Variants in FIGNL2 observed in about 807,000 individuals in gnomAD.
FIGNL2 encodes fidgetin like 2.
For missense variants in FIGNL2, 1,060 were observed against 950.2 expected (o/e 1.12, Z -1.52); for synonymous variants, 565 against 484.0 (o/e 1.17, Z -2.20).
chr12:51,824,872 C>T (rs1310369926), intron 1 of FIGNL2, among the ~76,000 whole-genome samples: 2 of 152,066 alleles, frequency 1.3e-5, no homozygotes, highest in African/African-American at 2.4e-5. Flanking sequence ...GGTGAAACAC[C>T]GTCTGTACTA....
At chr12:51,838,898 C>T (rs538146232) in intron 1 of FIGNL2, among the ~76,000 whole-genome samples, 1 of 152,288 alleles carries the variant, frequency 6.6e-6, no homozygotes, top group African/African-American at 2.4e-5. Context: ...GAATGAGTTC[C>T]CTGTCCTGCC....
chr12:51,844,946 T>C lies in FIGNL2; in HGVS notation c.-12+3594A>G, dbSNP rs960588478. 38 of 882,080 alleles carry C rather than the reference T, an allele frequency of 4.3e-5. No individual in the cohort carries two copies. The African/African-American group carries it at 6.0e-4, about 14-fold the overall frequency. 54.6% of individuals were successfully genotyped at this position (882,080 alleles called of 1,614,324 possible). A position where few individuals can be genotyped will look rare whatever the true frequency, so the allele number is the denominator to read the frequency against. On this transcript the variant is annotated intron_variant, in intron 1 of 1. Coordinates refer to ENST00000618634, the MANE Select transcript of FIGNL2 (RefSeq NM_001384995.1). ...AGTGGGGAGGTCAGGAAACCCAGGC[T>C]GCAGGCATGACTCTGTCCTCAGCAC... is the stretch of plus-strand genomic sequence containing the variant.
Position 51,822,331 on chromosome 12 carries a change from G to A in FIGNL2, c.83C>T (p.Pro28Leu), listed in dbSNP as rs781152652. ...HLDVSSTTPS[P>L]AHKLELPPGG... ...AGGGGGCAACTCCAACTTGTGGGCC[G>A]GCGACGGGGTGGTGGAGGAGACGTC... The change falls in exon 2 of 2, where the codon CCG (proline) becomes CTG (leucine). Residue 28 changes from proline (P) to leucine (L), a missense_variant. Physicochemically the swap from Pro to Leu is moderately conservative, Grantham distance 98. Transcript: ENST00000618634. 3.7e-6 allele frequency: 6 copies of A among 1,613,304 alleles called. No individual in the cohort carries two copies. In the South Asian group the frequency reaches 5.5e-5, roughly 15 times the overall value.
At chr12:51,823,372 A>G (rs1236039147) in intron 1 of FIGNL2, 2 of 152,350 alleles carry the variant, frequency 1.3e-5, no homozygotes, top group East Asian at 3.9e-4. Context: ...ACTGCAAAGT[A>G]AAAAAACACC....
At chr12:51,836,177 A>AG (rs1223981762) in intron 1 of FIGNL2, among the ~76,000 whole-genome samples, 1 of 152,110 alleles carries the variant, frequency 6.6e-6, no homozygotes, top group Non-Finnish European at 1.5e-5. Context: ...CCCTAGAACC[A>AG]GGGGAGGGAG....
At chr12:51,831,342 G>T (rs1218828764) in intron 1 of FIGNL2, among the ~76,000 whole-genome samples, 1 of 152,168 alleles carries the variant, frequency 6.6e-6, no homozygotes, top group South Asian at 2.1e-4. Context: ...GTCCCAGCTC[G>T]GAGGCTCCAG....
intron 1 of FIGNL2, among the ~76,000 whole-genome samples, chr12:51,843,544 C>CAAAA (rs5798189): frequency 8.0e-6 from 1 of 125,068 alleles, no homozygotes. Context: ...GAGACAATCT[C>CAAAA]AAAAAAAAAA....
chr12:51,846,426 G>T (rs936501749), intron 1 of FIGNL2, among the ~76,000 whole-genome samples: 5 of 152,224 alleles, frequency 3.3e-5, no homozygotes, highest in African/African-American at 4.8e-5. Flanking sequence ...GTGAAATTGC[G>T]TGGAGAGAGC....
intron 1 of FIGNL2, among the ~76,000 whole-genome samples, chr12:51,824,742 G>A (rs11830974): frequency 0.21 from 31,265 of 152,166 alleles, 4,171 homozygotes; most frequent in East Asian, 0.4. Context: ...AGAGTCTTAG[G>A]AGGTAACATC....
intron 1 of FIGNL2, chr12:51,847,318 C>T (rs1233249516): frequency 1.0e-5 from 10 of 985,294 alleles, no homozygotes; most frequent in African/African-American, 1.7e-5. Context: ...CAGGGGAGGC[C>T]CCACGGCCCA....
At chr12:51,848,083 C>CCACACA in intron 1 of FIGNL2, 1 of 887,174 alleles carries the variant, frequency 1.1e-6, no homozygotes, top group Non-Finnish European at 1.3e-6. Context: ...CCCACCCCTC[C>CCACACA]CACACACACA....
In FIGNL2 at chr12:51,821,729, G is replaced by A; in HGVS notation, c.685C>T (p.Pro229Ser). ...GCGGGCAGGCCCGGGGTCAGGTAGG[G>A]GGCCGGGGGTGGGCCTGGGGGCGGC... ...LPPPPGPPPA[P>S]YLTPGLPAPT... The change falls in exon 2 of 2, where the codon CCC becomes TCC. Residue 229 changes from proline (P) to serine (S), a missense_variant. Coordinates refer to ENST00000618634, the MANE Select transcript of FIGNL2 (RefSeq NM_001384995.1). 7.6e-7 allele frequency: 1 copy of A among 1,311,534 alleles called. No homozygotes were observed. Among genetic ancestry groups the A allele is most frequent in the African/African-American group, 1.5e-5 (1 of 64,552 alleles). 81.2% of individuals were successfully genotyped at this position (1,311,534 alleles called of 1,614,324 possible). A position where few individuals can be genotyped will look rare whatever the true frequency, so the allele number is the denominator to read the frequency against.
intron 1 of FIGNL2, chr12:51,847,187 G>A: frequency 1.0e-6 from 1 of 985,434 alleles, no homozygotes; most frequent in Non-Finnish European, 1.2e-6. Flanking sequence ...GAGGCTTTAG[G>A]AGGATGCTAT....
At chr12:51,845,672 G>T in intron 1 of FIGNL2, 1 of 985,420 alleles carries the variant, frequency 1.0e-6, no homozygotes, top group Non-Finnish European at 1.2e-6. Flanking sequence ...GCACAGGGAA[G>T]GTGAGGGAGA....
At position 51,820,167 on chromosome 12, in the gene FIGNL2, G is replaced by C. The variant is rs1241573180; in HGVS notation, c.*285C>G. ...AGAGCAGGAGTTCTTAAGGCCCCGG[G>C]TGCCAGCCCATGCCGGATCTGCCCG... is the stretch of plus-strand genomic sequence containing the variant. On this transcript the variant is annotated 3_prime_UTR_variant, in exon 2 of 2. Transcript: ENST00000618634. 1.1e-5 allele frequency: 5 copies of C among 450,482 alleles called. No individual in the cohort carries two copies. The East Asian group carries it at 2.4e-4, about 22-fold the overall frequency. 27.9% of individuals were successfully genotyped at this position (450,482 alleles called of 1,614,324 possible).
intron 1 of FIGNL2, among the ~76,000 whole-genome samples, chr12:51,836,486 C>T (rs538643605): frequency 4.6e-5 from 7 of 152,248 alleles, no homozygotes; most frequent in South Asian, 4.1e-4. Context: ...CTGTGTCCCC[C>T]GAGGCCTGGC....
intron 1 of FIGNL2, chr12:51,848,128 G>C: frequency 1.0e-6 from 1 of 985,198 alleles, no homozygotes; most frequent in Non-Finnish European, 1.2e-6. Context: ...TGACGGAGTG[G>C]GAGGGGCCTG....
In FIGNL2 at chr12:51,820,878, C is replaced by T. The variant is rs1334323097; in HGVS notation, c.1536G>A (p.Val512=). 5 of 1,374,554 alleles carry T rather than the reference C, an allele frequency of 3.6e-6. No homozygotes were observed. Among genetic ancestry groups the T allele is most frequent in the Non-Finnish European group, 4.7e-6 (5 of 1,072,558 alleles). 85.1% of individuals were successfully genotyped at this position (1,374,554 alleles called of 1,614,324 possible). The change falls in exon 2 of 2, where the codon GTG becomes GTA. Residue 512 remains valine, a synonymous_variant. Transcript: ENST00000618634. ...CCCCGTCCAGGCAGGCCAGGAGCGGCACCTGCAGCGCGCCCCCTGCCGCCG... is the reference window on the plus strand; with the variant it reads ...CCCCGTCCAGGCAGGCCAGGAGCGGTACCTGCAGCGCGCCCCCTGCCGCCG... ...DGAAAGGALQ[V]PLLACLDGGC...
chr12:51,843,291 C>A (rs1047931570), intron 1 of FIGNL2, among the ~76,000 whole-genome samples: 1 of 151,712 alleles, frequency 6.6e-6, no homozygotes, highest in East Asian at 1.9e-4. Flanking sequence ...AATCCCAACA[C>A]TTTGGGAGGC....
Sources: gnomAD v4.1 joint callset for allele counts (sites outside exome capture counted in the v4.1 genomes callset) on GRCh38, gnomAD v4.1.1 for gene constraint, MANE v1.5 for transcripts, NCBI Gene and HGNC (gene_info 2026-07-23, HGNC 2026-07-21) for gene names.